The following PRKAR1B variants were observed in gnomAD, a reference collection of about 807,000 sequenced individuals.
PRKAR1B encodes protein kinase cAMP-dependent type I regulatory subunit beta.
A neutral mutation model predicts 46.5 loss-of-function variants in PRKAR1B; 22 were observed. The observed-to-expected ratio is 0.47, with a 90% CI of 0.34 to 0.68. The LOEUF is 0.68. Ranked by LOEUF, PRKAR1B falls within the 30% of genes least tolerant of loss-of-function variation. The pLI is 0.01. For synonymous variants in PRKAR1B, 259 were observed against 217.7 expected (o/e 1.19, Z -1.67); for missense variants, 445 against 535.6 (o/e 0.83, Z 1.67).
chr7:658,645 G>GT (rs1445498198), intron 4 of PRKAR1B, among the ~76,000 whole-genome samples: 2 of 151,900 alleles, frequency 1.3e-5, no homozygotes, highest in Admixed American at 1.3e-4. Flanking sequence ...ACGATAAAAT[G>GT]TTTTTTGTTT....
rs773387537 is a variant in PRKAR1B, at chr7:681,763, C to T, written c.178-1037G>A. On this transcript the variant is annotated intron_variant, in intron 2 of 10. Coordinates refer to ENST00000537384, the MANE Select transcript of PRKAR1B (RefSeq NM_001164760.2). The stretch of plus-strand genomic sequence containing the variant: ...ACAGACAAGTGCTTCGACCACTGTC[C>T]CCAGCTCTTCAGCCACTCTAAACCT... Among the ~76,000 whole-genome samples, 8 of 152,210 alleles carry T rather than the reference C, an allele frequency of 5.3e-5. No individual in the cohort carries two copies. In the South Asian group the frequency reaches 1.7e-3, roughly 32 times the overall value.
intron 4 of PRKAR1B, among the ~76,000 whole-genome samples, chr7:647,881 C>T (rs1784705778): frequency 6.6e-6 from 1 of 150,800 alleles, no homozygotes; most frequent in South Asian, 2.1e-4. Context: ...TTCATTATGG[C>T]CGGGCATGGT....
intron 3 of PRKAR1B, among the ~76,000 whole-genome samples, chr7:678,789 A>T (rs917187124): frequency 1.3e-5 from 2 of 152,258 alleles, no homozygotes; most frequent in African/African-American, 4.8e-5. Flanking sequence ...ACAGACTTTT[A>T]AAAATGTAAG....
chr7:550,533 A>T lies in PRKAR1B; in HGVS notation c.1043T>A (p.Val348Glu). 1 of 1,605,932 alleles carries T rather than the reference A, an allele frequency of 6.2e-7. No individual in the cohort carries two copies. Among genetic ancestry groups the T allele is most frequent in the South Asian group, 1.1e-5 (1 of 89,796 alleles). Residue 348 changes from valine (V) to glutamate (E), a missense_variant, in exon 11 of 11, where the codon GTG (valine) becomes GAG (glutamate). Coordinates refer to ENST00000537384, the MANE Select transcript of PRKAR1B (RefSeq NM_001164760.2). ...CTCGAAGCGGGGCCGGTCCAGCTTCACACACTTGAGGGGCCCCCGGGCCAC... is the reference window on the plus strand; with the variant it reads ...CTCGAAGCGGGGCCGGTCCAGCTTCTCACACTTGAGGGGCCCCCGGGCCAC... ...TVVARGPLKC[V>E]KLDRPRFERV... is the part of the protein sequence containing the mutation.
chr7:640,993 G>A (rs1054723351), intron 4 of PRKAR1B, among the ~76,000 whole-genome samples: 5 of 151,630 alleles, frequency 3.3e-5, no homozygotes, highest in Admixed American at 3.3e-4. Context: ...TCACTCTGTC[G>A]CCCAGGCTGG....
chr7:677,606 T>C (rs527787282), intron 3 of PRKAR1B, among the ~76,000 whole-genome samples: 2 of 152,256 alleles, frequency 1.3e-5, no homozygotes, highest in Non-Finnish European at 2.9e-5. Context: ...TTTTTATTTT[T>C]AGTGGAGATG....
At chr7:564,444 G>C (rs1779010899) in intron 9 of PRKAR1B, among the ~76,000 whole-genome samples, 1 of 152,180 alleles carries the variant, frequency 6.6e-6, no homozygotes, top group Non-Finnish European at 1.5e-5. Context: ...TCGAAGCTTT[G>C]CACTGCCTTC....
chr7:558,004 T>C (rs1778555013), intron 9 of PRKAR1B, among the ~76,000 whole-genome samples: 1 of 152,102 alleles, frequency 6.6e-6, no homozygotes, highest in South Asian at 2.1e-4. Flanking sequence ...GCGACTATTT[T>C]GATTTTTTAA....
At chr7:680,157 CAAAA>C (rs372918350) in intron 3 of PRKAR1B, among the ~76,000 whole-genome samples, 3 of 73,664 alleles carry the variant, frequency 4.1e-5, no homozygotes, top group Non-Finnish European at 8.9e-5. Context: ...GACTCTGTTT[CAAAA>C]AAAAAAAAAA....
chr7:683,639 G>A (rs140000545), intron 2 of PRKAR1B, among the ~76,000 whole-genome samples: 249 of 152,344 alleles, frequency 1.6e-3, no homozygotes, highest in African/African-American at 5.7e-3. Flanking sequence ...TGAGTGAAGG[G>A]TCCCCACAGA....
chr7:562,573 C>T (rs1187084404), intron 9 of PRKAR1B, among the ~76,000 whole-genome samples: 1 of 152,232 alleles, frequency 6.6e-6, no homozygotes, highest in Admixed American at 6.5e-5. Flanking sequence ...CACTCATCAC[C>T]TGCAGGTGGG....
intron 9 of PRKAR1B, among the ~76,000 whole-genome samples, chr7:575,364 G>A (rs1378231243): frequency 6.6e-6 from 1 of 152,234 alleles, no homozygotes; most frequent in Non-Finnish European, 1.5e-5. Flanking sequence ...GGCTCCCAGA[G>A]GCTGTGGTGG....
intron 7 of PRKAR1B, among the ~76,000 whole-genome samples, chr7:588,725 G>A (rs917499022): frequency 6.9e-4 from 97 of 140,446 alleles, no homozygotes; most frequent in Admixed American, 9.7e-4. Context: ...TGGTGATGGT[G>A]GTGAGGATAG....
chr7:648,939 G>A (rs574619562), intron 4 of PRKAR1B, among the ~76,000 whole-genome samples: 1 of 152,256 alleles, frequency 6.6e-6, no homozygotes, highest in Admixed American at 6.5e-5. Context: ...CGAGGCAGGT[G>A]GATCGCCTGA....
chr7:584,975 G>A (rs1174456396), intron 7 of PRKAR1B, among the ~76,000 whole-genome samples: 2 of 152,132 alleles, frequency 1.3e-5, no homozygotes, highest in East Asian at 3.9e-4. Context: ...ACATGACGTA[G>A]AAGGGAGAGT....
intron 1 of PRKAR1B, among the ~76,000 whole-genome samples, chr7:721,707 T>C (rs1781077760): frequency 6.6e-6 from 1 of 152,112 alleles, no homozygotes; most frequent in South Asian, 2.1e-4. Context: ...TCCTTAAAGG[T>C]AGGTCTGCTA....
chr7:622,282 C>T (rs537103570), intron 4 of PRKAR1B, among the ~76,000 whole-genome samples: 1 of 152,348 alleles, frequency 6.6e-6, no homozygotes, highest in East Asian at 1.9e-4. Context: ...GCTGGGCATG[C>T]ATTCAGAAGA....
intron 6 of PRKAR1B, among the ~76,000 whole-genome samples, chr7:598,395 C>T (rs1324372092): frequency 7.8e-6 from 1 of 128,244 alleles, no homozygotes; most frequent in Non-Finnish European, 1.7e-5. Flanking sequence ...AACACCATCA[C>T]CCTCCCTCCA....
intron 8 of PRKAR1B, among the ~76,000 whole-genome samples, chr7:583,798 ACATGCACACT>A (rs1234241303): frequency 4.1e-5 from 5 of 121,278 alleles, no homozygotes; most frequent in South Asian, 2.2e-4. Context: ...ATGTGCACTC[ACATGCACACT>A]CATGCACACA....
Sources: gnomAD v4.1 joint callset for allele counts (sites outside exome capture counted in the v4.1 genomes callset) on GRCh38, gnomAD v4.1.1 for gene constraint, MANE v1.5 for transcripts, NCBI Gene and HGNC (gene_info 2026-07-23, HGNC 2026-07-21) for gene names.